ELP4: variants seen among roughly 807,000 people sequenced by gnomAD.
ELP4 encodes elongator complex protein 4.
In ELP4, 51 loss-of-function variants were observed where a neutral mutation model predicts 48.9. The observed-to-expected ratio is 1.04, with a 90% CI of 0.83 to 1.32. The LOEUF (loss-of-function observed/expected upper bound fraction) is 1.32, where lower values mean the gene tolerates loss of function less well. Among genes scored for constraint, ELP4 ranks in the 40% most tolerant of loss-of-function variants. ELP4 has a pLI of 0.00. For missense variants in ELP4, 519 were observed against 514.6 expected, an observed-to-expected ratio of 1.01 and a Z score of -0.08; for synonymous variants, 210 against 189.2, an observed-to-expected ratio of 1.11 and a Z score of -0.90.
At position 31,624,125 on chromosome 11, in the gene ELP4, C is replaced by T. The variant is rs186333778; in HGVS notation, c.654-2985C>T. Reference sequence around the variant, plus strand: ...TGGTGGAAATATAAATTAGAACAGCCATTGTAGAAAACAGTATAGAGGTTC... The same window carrying T: ...TGGTGGAAATATAAATTAGAACAGCTATTGTAGAAAACAGTATAGAGGTTC... On this transcript the variant is annotated intron_variant, in intron 5 of 9. Coordinates refer to ENST00000640961, the MANE Select transcript of ELP4 (RefSeq NM_019040.5). Among the ~76,000 whole-genome samples, 926 of 151,850 alleles carry T rather than the reference C, an allele frequency of 6.1e-3. 9 individuals are homozygous for T. The highest frequency in any genetic ancestry group is 5.1e-3 in the Non-Finnish European group (344 of 67,806).
At chr11:31,532,850 T>G (rs896802455) in intron 2 of ELP4, among the ~76,000 whole-genome samples, 7 of 149,168 alleles carry the variant, frequency 4.7e-5, no homozygotes, top group African/African-American at 1.7e-4. Context: ...CGGCTCATTG[T>G]AACCTCTGCC....
intron 9 of ELP4, among the ~76,000 whole-genome samples, chr11:31,658,735 G>C (rs1028172618): frequency 1.3e-5 from 2 of 151,834 alleles, no homozygotes; most frequent in African/African-American, 4.8e-5. Flanking sequence ...TTTTACATTT[G>C]TTATTTTCGG....
At chr11:31,623,640 T>G (rs985575527) in intron 5 of ELP4, among the ~76,000 whole-genome samples, 10 of 150,738 alleles carry the variant, frequency 6.6e-5, no homozygotes, top group Non-Finnish European at 1.5e-4. Flanking sequence ...GCATTGTTGA[T>G]GATTGACTTG....
At chr11:31,555,104 A>C (rs1323018622) in intron 3 of ELP4, among the ~76,000 whole-genome samples, 2 of 152,142 alleles carry the variant, frequency 1.3e-5, no homozygotes, top group African/African-American at 4.8e-5. Flanking sequence ...TAAATTAATA[A>C]AATTTATCTG....
chr11:31,636,576 A>G (rs1411911134), intron 7 of ELP4, among the ~76,000 whole-genome samples: 2 of 151,952 alleles, frequency 1.3e-5, no homozygotes, highest in African/African-American at 2.4e-5. Flanking sequence ...AGTTAAGGAA[A>G]TTGCAAAGAG....
At chr11:31,698,832 C>G (rs990596896) in intron 9 of ELP4, among the ~76,000 whole-genome samples, 1 of 152,070 alleles carries the variant, frequency 6.6e-6, no homozygotes. Context: ...GTATGAAGAT[C>G]TTACAAGACT....
chr11:31,582,383 G>T (rs529517648), intron 3 of ELP4, among the ~76,000 whole-genome samples: 4 of 152,180 alleles, frequency 2.6e-5, no homozygotes, highest in East Asian at 1.9e-4. Context: ...TGACCACGTT[G>T]ATCTGGCAGT....
intron 7 of ELP4, among the ~76,000 whole-genome samples, chr11:31,640,674 C>T (rs554687206): frequency 1.2e-3 from 178 of 152,014 alleles, no homozygotes; most frequent in African/African-American, 4.1e-3. Flanking sequence ...AATAAAAGCT[C>T]TTAGCCACAA....
At chr11:31,746,107 C>T (rs181165094) in intron 9 of ELP4, among the ~76,000 whole-genome samples, 1,562 of 149,514 alleles carry the variant, frequency 0.01, 12 homozygotes, top group Middle Eastern at 0.037. Context: ...CAAAAGAAGA[C>T]ATTTATGCAG....
chr11:31,626,868 T>A (rs1327974880), intron 5 of ELP4, among the ~76,000 whole-genome samples: 1 of 151,894 alleles, frequency 6.6e-6, no homozygotes, highest in African/African-American at 2.4e-5. Context: ...GTTATCTTAG[T>A]CTCCACAGGT....
chr11:31,517,064 TC>T (rs1438530703), intron 1 of ELP4, among the ~76,000 whole-genome samples: 2 of 152,180 alleles, frequency 1.3e-5, no homozygotes, highest in Admixed American at 1.3e-4. Context: ...TCACTGTAAA[TC>T]GCTTAGCACA....
chr11:31,742,110 A>G (rs955134847), intron 9 of ELP4, among the ~76,000 whole-genome samples: 1 of 152,270 alleles, frequency 6.6e-6, no homozygotes, highest in African/African-American at 2.4e-5. Flanking sequence ...CAGAAGCCTC[A>G]GTAGCCGATG....
intron 4 of ELP4, among the ~76,000 whole-genome samples, chr11:31,603,453 T>C (rs1436815475): frequency 1.3e-5 from 2 of 151,760 alleles, no homozygotes; most frequent in Non-Finnish European, 3.0e-5. Context: ...GAATTATGTA[T>C]ATTAAGTTTT....
chr11:31,724,151 AGGAAGT>A, intron 9 of ELP4, among the ~76,000 whole-genome samples: 2 of 152,280 alleles, frequency 1.3e-5, no homozygotes, highest in South Asian at 4.2e-4. Flanking sequence ...GTCCTGGTCA[AGGAAGT>A]GGAAAGGAAG....
Position 31,788,021 on chromosome 11 carries a change from G to A in ELP4, c.*4497G>A, listed in dbSNP as rs1476305293. The stretch of plus-strand genomic sequence containing the variant: ...CCCAGGCTTTTTAGTGAAGTTTGCA[G>A]AGGAAGACTTATCTGTATTGACTTA... On this transcript the variant is annotated 3_prime_UTR_variant, in exon 10 of 10. Transcript: ENST00000640961. 4.5e-6 allele frequency: 1 copy of A among 222,410 alleles called. No individual in the cohort carries two copies. Among genetic ancestry groups the A allele is most frequent in the Non-Finnish European group, 9.0e-6 (1 of 111,252 alleles). 13.8% of individuals were successfully genotyped at this position (222,410 alleles called of 1,614,324 possible). A position where few individuals can be genotyped will look rare whatever the true frequency, so the allele number is the denominator to read the frequency against.
rs867246992 is a variant in ELP4, at chr11:31,546,899, A to G, written c.381+7116A>G. Among the ~76,000 whole-genome samples the G allele has an allele frequency of 1.5e-3, 232 of 151,392 alleles. 1 individual carries two copies. The highest frequency in any genetic ancestry group is 5.4e-3 in the African/African-American group (225 of 41,304). Reference sequence around the variant, plus strand: ...CCTGAATGACTACTGGGTACATAACAAAATGAAGGCAGAAATAAAGATGTT... The same window carrying G: ...CCTGAATGACTACTGGGTACATAACGAAATGAAGGCAGAAATAAAGATGTT... On this transcript the variant is annotated intron_variant, in intron 3 of 9. Coordinates refer to ENST00000640961, the MANE Select transcript of ELP4 (RefSeq NM_019040.5).
rs183024554 is a variant in ELP4, at chr11:31,693,624, G to T, written c.1143+43403G>T. On this transcript the variant is annotated intron_variant, in intron 9 of 9. Transcript: ENST00000640961. ...GTGAATAGTGGTGCAGTAAACATAC[G>T]TGTGCATGTGTCTTTATAGCAGCAT... 4.5e-4 allele frequency among the ~76,000 whole-genome samples: 69 copies of T among 152,220 alleles called. 1 individual carries two copies. The highest frequency in any genetic ancestry group is 6.8e-3 in the Middle Eastern group (2 of 294).
intron 3 of ELP4, among the ~76,000 whole-genome samples, chr11:31,545,931 TG>T (rs1199209708): frequency 7.2e-5 from 11 of 151,784 alleles, no homozygotes; most frequent in African/African-American, 2.4e-5. Flanking sequence ...GACAAGCAAA[TG>T]CTGAGGGATT....
intron 9 of ELP4, chr11:31,653,750 G>A (rs968848872): frequency 2.6e-5 from 4 of 151,690 alleles, no homozygotes; most frequent in East Asian, 3.9e-4. Flanking sequence ...CAAGTGACCC[G>A]TACACACTGT....
Sources: allele counts gnomAD v4.1 joint callset (sites outside exome capture counted in the v4.1 genomes callset), GRCh38; gene constraint gnomAD v4.1.1; transcripts MANE v1.5; gene names NCBI Gene and HGNC (gene_info 2026-07-23, HGNC 2026-07-21).